The following CPED1 variants were observed in gnomAD, a reference collection of about 807,000 sequenced individuals.
CPED1 encodes the protein cadherin like and PC-esterase domain containing 1.
Under a neutral mutation model 128.2 loss-of-function variants are expected in CPED1, and 114 were observed. The ratio of observed to expected loss-of-function variants is 0.89; its 90% confidence interval spans 0.76 to 1.04. The LOEUF (loss-of-function observed/expected upper bound fraction) is 1.04, where lower values mean the gene tolerates loss of function less well. CPED1 is among the 50% of genes least tolerant of loss of function. CPED1 has a pLI of 0.00. For missense variants in CPED1, 1,211 were observed against 1,207.1 expected (o/e 1.00, Z -0.05); for synonymous variants, 462 against 426.7 (o/e 1.08, Z -1.02).
intron 18 of CPED1, among the ~76,000 whole-genome samples, chr7:121,265,903 T>C (rs798923): frequency 0.049 from 7,486 of 152,148 alleles, 591 homozygotes; most frequent in African/African-American, 0.17. Context: ...ATGCTTCATG[T>C]CTATTTGAAT....
At chr7:121,165,663 C>T (rs1014342329) in intron 16 of CPED1, among the ~76,000 whole-genome samples, 4 of 152,166 alleles carry the variant, frequency 2.6e-5, no homozygotes, top group African/African-American at 9.7e-5. Context: ...AATATGTCCC[C>T]ACCCTACTTC....
At chr7:121,211,172 C>T (rs376272963) in intron 16 of CPED1, among the ~76,000 whole-genome samples, 8 of 151,930 alleles carry the variant, frequency 5.3e-5, no homozygotes, top group Middle Eastern at 3.4e-3. Context: ...TATGTAATAC[C>T]ATAGGGAAAG....
chr7:121,185,820 G>C (rs1183456170), intron 16 of CPED1, among the ~76,000 whole-genome samples: 5 of 152,206 alleles, frequency 3.3e-5, no homozygotes, highest in African/African-American at 1.2e-4. Context: ...ACAGCATGCT[G>C]CTGCTAACTG....
chr7:121,134,700 C>T (rs1351494851), intron 13 of CPED1, among the ~76,000 whole-genome samples: 3 of 151,598 alleles, frequency 2.0e-5, no homozygotes, highest in South Asian at 2.1e-4. Flanking sequence ...CACATTATAC[C>T]CCAGAATTAT....
intron 16 of CPED1, among the ~76,000 whole-genome samples, chr7:121,152,069 A>G (rs1443100585): frequency 3.9e-5 from 6 of 151,954 alleles, no homozygotes; most frequent in Non-Finnish European, 8.8e-5. Flanking sequence ...TTTCTTTTTC[A>G]CCCACACCCT....
intron 16 of CPED1, among the ~76,000 whole-genome samples, chr7:121,181,818 C>T (rs1584575518): frequency 6.6e-6 from 1 of 152,096 alleles, no homozygotes; most frequent in East Asian, 1.9e-4. Flanking sequence ...ACAGGTCACA[C>T]ACCTAGTTCC....
intron 5 of CPED1, among the ~76,000 whole-genome samples, chr7:121,081,857 T>C (rs559060217): frequency 2.6e-5 from 4 of 152,196 alleles, no homozygotes; most frequent in Non-Finnish European, 2.9e-5. Flanking sequence ...GTTGAACTTA[T>C]CGTATGTCAA....
At chr7:121,007,231 A>ATTT (rs398006038) in intron 2 of CPED1, among the ~76,000 whole-genome samples, 1,669 of 129,782 alleles carry the variant, frequency 0.013, 51 homozygotes, top group African/African-American at 0.025. Context: ...TTCAGGTTGC[A>ATTT]TTTTTTTTTT....
At chr7:121,078,349 G>GT (rs968733951) in intron 5 of CPED1, among the ~76,000 whole-genome samples, 11 of 151,940 alleles carry the variant, frequency 7.2e-5, no homozygotes, top group African/African-American at 2.4e-4. Context: ...GGCCTGATTT[G>GT]TTTTTTAATT....
chr7:121,206,361 A>G (rs1405881276), intron 16 of CPED1, among the ~76,000 whole-genome samples: 1 of 152,060 alleles, frequency 6.6e-6, no homozygotes, highest in African/African-American at 2.4e-5. Context: ...TTACAGAAGG[A>G]TATTTTGCAT....
At position 121,129,315 on chromosome 7, in the gene CPED1, ATATATATATATATATATATACG is replaced by A. The variant is rs1306842528; in HGVS notation, c.1408-795_1408-774del. On this transcript the variant is annotated intron_variant, in intron 11 of 22. Coordinates refer to ENST00000310396, the MANE Select transcript of CPED1 (RefSeq NM_024913.5). ...TATATATATATATATATATATACGT[ATATATATATATATATATATACG>A]TATATATATATATACATACATACAC... 2.1e-3 allele frequency among the ~76,000 whole-genome samples: 205 copies of A among 95,850 alleles called. 3 individuals carry two copies. The highest frequency in any genetic ancestry group is 0.013 in the Middle Eastern group (2 of 156). 62.9% of individuals were successfully genotyped at this position (95,850 alleles called of 152,430 possible).
intron 16 of CPED1, among the ~76,000 whole-genome samples, chr7:121,193,832 C>A (rs187072661): frequency 6.1e-4 from 93 of 151,732 alleles, no homozygotes; most frequent in Non-Finnish European, 1.0e-3. Context: ...TTTATATCTC[C>A]TATAAAACTC....
intron 5 of CPED1, among the ~76,000 whole-genome samples, chr7:121,077,516 G>A (rs17625419): frequency 0.032 from 4,803 of 152,004 alleles, 137 homozygotes; most frequent in Non-Finnish European, 0.04. Flanking sequence ...CATAATTCAA[G>A]TGTGAACAAA....
chr7:121,022,052 C>T (rs1467038090), intron 3 of CPED1, among the ~76,000 whole-genome samples: 5 of 151,562 alleles, frequency 3.3e-5, no homozygotes, highest in African/African-American at 1.2e-4. Context: ...AAAAATCTCA[C>T]ATTAAAAAAA....
chr7:121,248,516 T>G (rs373229300), intron 18 of CPED1, among the ~76,000 whole-genome samples: 9 of 151,544 alleles, frequency 5.9e-5, no homozygotes, highest in Admixed American at 2.6e-4. Flanking sequence ...ACATATTACT[T>G]TTATATGCCA....
At chr7:121,091,190 A>G (rs1043002668) in intron 5 of CPED1, among the ~76,000 whole-genome samples, 5 of 152,026 alleles carry the variant, frequency 3.3e-5, no homozygotes, top group African/African-American at 1.2e-4. Context: ...AAAAAATTGC[A>G]GTAACTGACT....
At chr7:121,120,462 T>G (rs1458183355) in intron 7 of CPED1, among the ~76,000 whole-genome samples, 2 of 152,202 alleles carry the variant, frequency 1.3e-5, no homozygotes, top group Non-Finnish European at 2.9e-5. Context: ...CAACATTCCC[T>G]GATATGACTT....
intron 16 of CPED1, among the ~76,000 whole-genome samples, chr7:121,222,693 T>A (rs1378981222): frequency 2.6e-5 from 4 of 152,224 alleles, no homozygotes; most frequent in African/African-American, 9.6e-5. Flanking sequence ...GTTGGATTTC[T>A]ACTTATTTTA....
At chr7:121,142,671 A>T (rs1041224133) in intron 16 of CPED1, among the ~76,000 whole-genome samples, 1 of 152,002 alleles carries the variant, frequency 6.6e-6, no homozygotes, top group Non-Finnish European at 1.5e-5. Flanking sequence ...AGCAACACAT[A>T]CCATTTTGTA....
Sources: allele counts gnomAD v4.1 joint callset (sites outside exome capture counted in the v4.1 genomes callset), GRCh38; gene constraint gnomAD v4.1.1; transcripts MANE v1.5; gene names NCBI Gene and HGNC (gene_info 2026-07-23, HGNC 2026-07-21).